The following PDE5A variants were observed in gnomAD, a reference collection of about 807,000 sequenced individuals.
PDE5A encodes the protein cGMP-specific 3',5'-cyclic phosphodiesterase.
PDE5A carries 67 observed loss-of-function variants against 110.2 expected under a neutral mutation model. That is an observed-to-expected ratio of 0.61 (90% CI 0.50 to 0.75). PDE5A has a LOEUF of 0.75. PDE5A is among the 30% of genes least tolerant of loss of function. The pLI, the probability that PDE5A is intolerant of heterozygous loss-of-function variation, is 0.00. For missense variants in PDE5A, 862 were observed against 1,045.1 expected, an observed-to-expected ratio of 0.82 and a Z score of 2.42; for synonymous variants, 328 against 351.2, an observed-to-expected ratio of 0.93 and a Z score of 0.74.
chr4:119,581,366 C>A (rs1728582619), intron 3 of PDE5A, among the ~76,000 whole-genome samples: 1 of 152,138 alleles, frequency 6.6e-6, no homozygotes, highest in South Asian at 2.1e-4. Flanking sequence ...TAGCTAACCA[C>A]ATATGTAGCC....
chr4:119,534,486 C>A (rs567758629), intron 11 of PDE5A, among the ~76,000 whole-genome samples: 1 of 152,204 alleles, frequency 6.6e-6, no homozygotes, highest in African/African-American at 2.4e-5. Flanking sequence ...TATTCCCATA[C>A]TGACTATATC....
intron 2 of PDE5A, among the ~76,000 whole-genome samples, chr4:119,603,847 G>C (rs1274387933): frequency 1.3e-5 from 2 of 152,146 alleles, no homozygotes; most frequent in East Asian, 1.9e-4. Flanking sequence ...CTGCCATACA[G>C]TGTCATTTTT....
chr4:119,508,754 A>G (rs1485833530), intron 15 of PDE5A, among the ~76,000 whole-genome samples: 1 of 152,072 alleles, frequency 6.6e-6, no homozygotes, highest in Non-Finnish European at 1.5e-5. Context: ...AACAATTTCA[A>G]GTGGAAGATG....
intron 20 of PDE5A, among the ~76,000 whole-genome samples, chr4:119,500,595 TCAAAGA>T (rs1217212363): frequency 6.6e-6 from 1 of 152,108 alleles, no homozygotes; most frequent in Non-Finnish European, 1.5e-5. Flanking sequence ...GTTTAAACCT[TCAAAGA>T]CAAAGACAAC....
At chr4:119,567,756 CTGAGGCTTAT>C (rs544096364) in intron 3 of PDE5A, among the ~76,000 whole-genome samples, 18 of 152,078 alleles carry the variant, frequency 1.2e-4, no homozygotes, top group Admixed American at 3.9e-4. Flanking sequence ...AATTAACATG[CTGAGGCTTAT>C]TTCAAATAGA....
intron 3 of PDE5A, among the ~76,000 whole-genome samples, chr4:119,587,636 G>A (rs1171107647): frequency 1.3e-5 from 2 of 152,082 alleles, no homozygotes; most frequent in African/African-American, 2.4e-5. Flanking sequence ...CACCTGCCTC[G>A]ACTTCCCCAA....
rs576408523 is a variant in PDE5A at position 119,609,477 on chromosome 4, T to C, written c.153-2180A>G. Among the ~76,000 whole-genome samples the C allele has an allele frequency of 2.0e-4, 30 of 152,344 alleles. 1 individual carries two copies. The South Asian group carries it at 3.7e-3, about 19-fold the overall frequency. ...GTTTGAAAAGAACACACTGTCTTATTTCTGAGTCTTTACTAAGTCTTTCAT... is the reference window on the plus strand; with the variant it reads ...GTTTGAAAAGAACACACTGTCTTATCTCTGAGTCTTTACTAAGTCTTTCAT... On this transcript the variant is annotated intron_variant, in intron 1 of 20. Coordinates refer to ENST00000354960, the MANE Select transcript of PDE5A (RefSeq NM_001083.4).
intron 1 of PDE5A, among the ~76,000 whole-genome samples, chr4:119,612,294 T>A (rs1375265442): frequency 7.9e-5 from 12 of 152,140 alleles, no homozygotes; most frequent in Admixed American, 7.9e-4. Flanking sequence ...TGGGGGCAGA[T>A]CCCTCATGAA....
Position 119,496,471 on chromosome 4 carries a change from C to T in PDE5A, c.*2130G>A, listed in dbSNP as rs1455200803. The T allele has an allele frequency of 1.3e-5, 2 of 152,082 alleles. No individual in the cohort carries two copies. Among genetic ancestry groups the T allele is most frequent in the Non-Finnish European group, 2.9e-5 (2 of 67,998 alleles). The allele number at this position is 152,082 out of a possible 1,614,324, so 9.4% of individuals were successfully genotyped here. On this transcript the variant is annotated 3_prime_UTR_variant, in exon 21 of 21. Coordinates refer to ENST00000354960, the MANE Select transcript of PDE5A (RefSeq NM_001083.4). Reference sequence around the variant, plus strand: ...AAACAATATTCAAAGGCAGACCAAACCATTTCTAATCTAAATATATCTTCT... The same window carrying T: ...AAACAATATTCAAAGGCAGACCAAATCATTTCTAATCTAAATATATCTTCT...
chr4:119,502,855 A>T (rs757967203), intron 18 of PDE5A, among the ~76,000 whole-genome samples, 200 bp from the exon 19 acceptor site: 1 of 152,148 alleles, frequency 6.6e-6, no homozygotes, highest in Non-Finnish European at 1.5e-5. Flanking sequence ...TCACTTAGGT[A>T]CATCTCTCTG....
intron 9 of PDE5A, chr4:119,549,532 AAGT>A (rs1266120818): frequency 3.3e-5 from 5 of 152,162 alleles, no homozygotes; most frequent in African/African-American, 1.2e-4. Context: ...GGAGATGAAA[AAGT>A]AAGCTATTTA....
chr4:119,603,194 T>C (rs928817305), intron 2 of PDE5A, among the ~76,000 whole-genome samples: 4 of 152,196 alleles, frequency 2.6e-5, no homozygotes, highest in African/African-American at 9.7e-5. Flanking sequence ...TAATATCTTA[T>C]TAATAAATGT....
chr4:119,609,680 T>C (rs1729675746), intron 1 of PDE5A, among the ~76,000 whole-genome samples: 1 of 152,100 alleles, frequency 6.6e-6, no homozygotes, highest in Non-Finnish European at 1.5e-5. Context: ...CCAAAAAGTT[T>C]AGGAGAAATA....
At chr4:119,600,774 T>G (rs545778069) in intron 2 of PDE5A, among the ~76,000 whole-genome samples, 2 of 152,128 alleles carry the variant, frequency 1.3e-5, no homozygotes, top group East Asian at 3.9e-4. Context: ...CTAATAAATA[T>G]AAGAGGTATG....
At chr4:119,618,293 T>C (rs1730012399) in intron 1 of PDE5A, among the ~76,000 whole-genome samples, 1 of 152,180 alleles carries the variant, frequency 6.6e-6, no homozygotes, top group Admixed American at 6.5e-5. Flanking sequence ...TTTAAACTGA[T>C]TAAGTTTTTG....
intron 2 of PDE5A, among the ~76,000 whole-genome samples, chr4:119,605,321 C>A (rs55666375): frequency 0.05 from 7,609 of 152,148 alleles, 308 homozygotes; most frequent in South Asian, 0.14. Flanking sequence ...TCAAATTTTC[C>A]GGGATCTGTA....
At position 119,565,391 on chromosome 4, in the gene PDE5A, G is replaced by C. The variant is rs1727892332; in HGVS notation, c.923C>G (p.Ala308Gly). The C allele has an allele frequency of 6.2e-7, 1 of 1,610,970 alleles. No homozygotes were observed. Among genetic ancestry groups the C allele is most frequent in the South Asian group, 1.1e-5 (1 of 90,888 alleles). ...ATTATGAAGAACAATACCACAAAAT[G>C]CCAAATAAGCAGCAAAGTCCTAAAA... The part of the protein sequence containing the change: ...KDEKDFAAYL[A>G]FCGIVLHNAQ... The change falls in exon 5 of 21, where the codon GCA (alanine) becomes GGA (glycine). Residue 308 changes from alanine (A) to glycine (G), a missense_variant. Ala to Gly is a moderately conservative substitution (Grantham distance 60, BLOSUM62 0). Coordinates refer to ENST00000354960, the MANE Select transcript of PDE5A (RefSeq NM_001083.4).
chr4:119,518,826 TA>T (rs763443303), intron 14 of PDE5A, among the ~76,000 whole-genome samples: 7 of 152,234 alleles, frequency 4.6e-5, no homozygotes, highest in Non-Finnish European at 1.0e-4. Context: ...GGTAATTATC[TA>T]ATGAAATAAG....
At chr4:119,562,801 C>A (rs1237379267) in intron 6 of PDE5A, 32 bp downstream of exon 6, 3 of 1,471,082 alleles carry the variant, frequency 2.0e-6, no homozygotes, top group African/African-American at 1.5e-5. Flanking sequence ...TTCTGTCTTT[C>A]TAAAAATAAA....
Sources: allele counts gnomAD v4.1 joint callset (sites outside exome capture counted in the v4.1 genomes callset), GRCh38; gene constraint gnomAD v4.1.1; transcripts MANE v1.5; gene names NCBI Gene and HGNC (gene_info 2026-07-23, HGNC 2026-07-21).